Variants in DPP10 observed in about 807,000 individuals in gnomAD.
The protein encoded by DPP10 is dipeptidyl peptidase like 10.
In DPP10, 33 loss-of-function variants were observed where a neutral mutation model predicts 120.9. The ratio of observed to expected loss-of-function variants is 0.27; its 90% confidence interval spans 0.21 to 0.37. The LOEUF is 0.37. Among genes scored for constraint, DPP10 ranks in the 10% least tolerant of loss-of-function variants. The pLI is 1.00. For synonymous variants in DPP10, 337 were observed against 326.1 expected (o/e 1.03, Z -0.36); for missense variants, 816 against 942.8 (o/e 0.87, Z 1.76).
chr2:114,528,017 C>T (rs979811315), intron 1 of DPP10, among the ~76,000 whole-genome samples: 15 of 152,230 alleles, frequency 9.9e-5, no homozygotes, highest in African/African-American at 3.6e-4. Context: ...GAGATAGAAC[C>T]TTCATAAATG....
intron 3 of DPP10, among the ~76,000 whole-genome samples, chr2:115,446,521 AT>A (rs1441007505): frequency 2.0e-5 from 3 of 152,184 alleles, no homozygotes; most frequent in Non-Finnish European, 4.4e-5. Flanking sequence ...CTTCTGACCG[AT>A]TTCAGTCAGG....
chr2:114,457,757 CTT>C (rs1321434877), intron 1 of DPP10, among the ~76,000 whole-genome samples: 2 of 152,146 alleles, frequency 1.3e-5, no homozygotes, highest in African/African-American at 4.8e-5. Context: ...AGCCCCAACA[CTT>C]AGGTATTGAG....
chr2:114,827,057 T>G (rs986923406), intron 1 of DPP10, among the ~76,000 whole-genome samples: 2 of 151,980 alleles, frequency 1.3e-5, no homozygotes, highest in African/African-American at 4.8e-5. Context: ...TTTTCTAGGT[T>G]TTATGGCTTG....
chr2:115,101,553 C>G lies in DPP10; in HGVS notation c.61-207686C>G, dbSNP rs531860298. Among the ~76,000 whole-genome samples the G allele has an allele frequency of 5.9e-5, 9 of 152,182 alleles. No individual in the cohort carries two copies. In the East Asian group the frequency reaches 1.2e-3, roughly 20 times the overall value. ...AGGGAAGCCACTTTCTCCTACACCC[C>G]CTACGAAGCATTTTTCCTCACTAGT... is the stretch of plus-strand genomic sequence containing the variant. On this transcript the variant is annotated intron_variant, in intron 1 of 25. Coordinates refer to ENST00000410059, the MANE Select transcript of DPP10 (RefSeq NM_020868.6).
At chr2:115,507,875 T>C (rs2077029095) in intron 4 of DPP10, among the ~76,000 whole-genome samples, 1 of 152,126 alleles carries the variant, frequency 6.6e-6, no homozygotes, top group South Asian at 2.1e-4. Flanking sequence ...GTGTGAACTA[T>C]GTACAGGGAT....
intron 4 of DPP10, among the ~76,000 whole-genome samples, chr2:115,519,320 A>T (rs2077670374): frequency 6.6e-6 from 1 of 152,172 alleles, no homozygotes; most frequent in Admixed American, 6.5e-5. Flanking sequence ...GTAGGTATTG[A>T]TTCAATACTC....
chr2:115,412,547 G>T lies in DPP10; in HGVS notation c.271+68635G>T, dbSNP rs147924191. 1.8e-4 allele frequency among the ~76,000 whole-genome samples: 27 copies of T among 152,224 alleles called. No homozygotes were observed. The East Asian group carries it at 5.2e-3, about 29-fold the overall frequency. On this transcript the variant is annotated intron_variant, in intron 3 of 25. Transcript: ENST00000410059. Reference sequence around the variant, plus strand: ...ACAATGAGACTTTTCATTTTCATTAGAATTCTTGCAGCATTATTATTCCAG... The same window carrying T: ...ACAATGAGACTTTTCATTTTCATTATAATTCTTGCAGCATTATTATTCCAG...
chr2:115,252,705 A>T (rs930400887), intron 1 of DPP10, among the ~76,000 whole-genome samples: 2 of 152,210 alleles, frequency 1.3e-5, no homozygotes, highest in African/African-American at 4.8e-5. Flanking sequence ...TAGGGTAAGG[A>T]CTGCCAGATA....
intron 1 of DPP10, among the ~76,000 whole-genome samples, chr2:114,867,024 A>G (rs913367359): frequency 1.3e-5 from 2 of 152,210 alleles, no homozygotes; most frequent in East Asian, 3.9e-4. Context: ...CATTTCCAGG[A>G]TGAATTTCTG....
intron 1 of DPP10, among the ~76,000 whole-genome samples, chr2:114,751,980 G>C (rs1201908299): frequency 6.6e-6 from 1 of 152,214 alleles, no homozygotes. Flanking sequence ...AAGCTCCCAG[G>C]TGATGCTTCT....
intron 1 of DPP10, among the ~76,000 whole-genome samples, chr2:115,157,196 C>A (rs2051974874): frequency 7.2e-6 from 1 of 138,196 alleles, no homozygotes. Context: ...GTATATATGA[C>A]ACAGAAGGGC....
chr2:115,650,543 G>A (rs2087674934), intron 5 of DPP10, among the ~76,000 whole-genome samples: 1 of 151,858 alleles, frequency 6.6e-6, no homozygotes, highest in South Asian at 2.1e-4. Flanking sequence ...ATCTATTACT[G>A]CCAGAGTAAT....
chr2:114,990,906 A>C (rs961573593), intron 1 of DPP10, among the ~76,000 whole-genome samples: 2 of 152,150 alleles, frequency 1.3e-5, no homozygotes, highest in African/African-American at 2.4e-5. Flanking sequence ...ACTCTCAGCT[A>C]TTCTCACAAG....
chr2:114,612,280 C>G (rs917027320), intron 1 of DPP10, among the ~76,000 whole-genome samples: 1 of 152,112 alleles, frequency 6.6e-6, no homozygotes, highest in African/African-American at 2.4e-5. Flanking sequence ...TTCCTGCATC[C>G]CTTTTTATCC....
At chr2:115,057,754 G>T (rs957371981) in intron 1 of DPP10, among the ~76,000 whole-genome samples, 1 of 152,156 alleles carries the variant, frequency 6.6e-6, no homozygotes, top group African/African-American at 2.4e-5. Context: ...GATAACGGGT[G>T]TAAATAAGAA....
chr2:115,777,892 A>T, intron 15 of DPP10, 58 bp downstream of exon 15: 1 of 1,542,026 alleles, frequency 6.5e-7, no homozygotes, highest in Non-Finnish European at 8.8e-7. Context: ...CTATCTATGT[A>T]GCATAAGGAA....
chr2:115,463,726 G>C (rs2074128782), intron 3 of DPP10, among the ~76,000 whole-genome samples: 1 of 152,098 alleles, frequency 6.6e-6, no homozygotes, highest in East Asian at 1.9e-4. Context: ...CCTTTAGGCA[G>C]TGCTGACTTT....
At chr2:114,734,347 C>T (rs1677212922) in intron 1 of DPP10, among the ~76,000 whole-genome samples, 1 of 152,198 alleles carries the variant, frequency 6.6e-6, no homozygotes, top group Non-Finnish European at 1.5e-5. Context: ...CACAATAAAA[C>T]TTGGTCTCCA....
At chr2:115,538,012 A>G (rs1329816972) in intron 5 of DPP10, among the ~76,000 whole-genome samples, 1 of 152,004 alleles carries the variant, frequency 6.6e-6, no homozygotes, top group Non-Finnish European at 1.5e-5. Context: ...AGGTAATCCA[A>G]GGGAGCCAGG....
Sources: allele counts gnomAD v4.1 joint callset (sites outside exome capture counted in the v4.1 genomes callset), GRCh38; gene constraint gnomAD v4.1.1; transcripts MANE v1.5; gene names NCBI Gene and HGNC (gene_info 2026-07-23, HGNC 2026-07-21).